CSK: variants seen among roughly 807,000 people sequenced by gnomAD.
CSK encodes the protein C-terminal Src kinase, also known as tyrosine-protein kinase CSK.
Under a neutral mutation model 62.3 loss-of-function variants are expected in CSK, and 7 were observed. That is an observed-to-expected ratio of 0.11 (90% confidence interval 0.06 to 0.21). The LOEUF is 0.21. Ranked by LOEUF, CSK falls within the 10% of genes least tolerant of loss-of-function variation. CSK has a pLI of 1.00. For missense variants in CSK, 294 were observed against 613.5 expected (o/e 0.48, Z 5.50); for synonymous variants, 237 against 246.0 (o/e 0.96, Z 0.34).
At chr15:74,799,531 C>T in intron 5 of CSK, 40 bp downstream of exon 5, 6 of 1,574,534 alleles carry the variant, frequency 3.8e-6, no homozygotes, top group Non-Finnish European at 5.2e-6. Flanking sequence ...CACCCTCACA[C>T]ACCCTAAACC....
At position 74,799,368 on chromosome 15, in the gene CSK, C is replaced by T. The variant is rs1021581178; in HGVS notation, c.339C>T (p.Pro113=). Reference sequence around the variant, plus strand: ...TGGTGCGGGAGAGCACCAACTACCCCGGAGACTACACGCTGTGCGTGAGCT... The same window carrying T: ...TGGTGCGGGAGAGCACCAACTACCCTGGAGACTACACGCTGTGCGTGAGCT... ...LFLVRESTNY[P]GDYTLCVSCD... is the part of the protein sequence containing the mutation. The change falls in exon 5 of 13, where the codon CCC becomes CCT. Residue 113 remains proline, a synonymous_variant. Coordinates refer to ENST00000220003, the MANE Select transcript of CSK (RefSeq NM_004383.3). 16 of 1,613,380 alleles carry T rather than the reference C, an allele frequency of 9.9e-6. No homozygotes were observed. The Middle Eastern group carries it at 6.7e-4, about 68-fold the overall frequency.
chr15:74,795,834 TG>T, intron 1 of CSK, among the ~76,000 whole-genome samples: 1 of 152,334 alleles, frequency 6.6e-6, no homozygotes, highest in Non-Finnish European at 1.5e-5. Context: ...CAGAAAGCCT[TG>T]TAGATAAAGT....
At chr15:74,784,459 C>G (rs1406618768) in intron 1 of CSK, among the ~76,000 whole-genome samples, 1 of 152,036 alleles carries the variant, frequency 6.6e-6, no homozygotes, top group Non-Finnish European at 1.5e-5. Flanking sequence ...TCCAGGGTCC[C>G]AGGGCCTTTG....
At position 74,802,655 on chromosome 15, in the gene CSK, C is replaced by T. The variant is rs2063811519; in HGVS notation, c.*142C>T. On this transcript the variant is annotated 3_prime_UTR_variant, in exon 13 of 13. Coordinates refer to ENST00000220003, the MANE Select transcript of CSK (RefSeq NM_004383.3). The stretch of plus-strand genomic sequence containing the variant: ...TTTTTCCTGCGTCCCAGCCTGCACC[C>T]CTCCGGCCCCGTCTCTCTTGGACCC... The T allele has an allele frequency of 1.9e-6, 2 of 1,031,122 alleles. No individual in the cohort carries two copies. Among genetic ancestry groups the T allele is most frequent in the South Asian group, 3.3e-5 (2 of 61,030 alleles). 63.9% of individuals were successfully genotyped at this position (1,031,122 alleles called of 1,614,324 possible). A position where few individuals can be genotyped will look rare whatever the true frequency, so the allele number is the denominator to read the frequency against.
chr15:74,802,158 C>T (rs2063802620), intron 12 of CSK, 75 bp downstream of exon 12: 3 of 1,489,668 alleles, frequency 2.0e-6, no homozygotes, highest in Non-Finnish European at 1.8e-6. Context: ...CCTCCTTGGG[C>T]CCTGCCTCCC....
chr15:74,790,997 A>G (rs1165691433), intron 1 of CSK: 10 of 152,236 alleles, frequency 6.6e-5, no homozygotes, highest in Admixed American at 6.5e-4. Context: ...AAGGTAATAG[A>G]TGCATGTGGC....
rs756239294 is a variant in CSK, at chr15:74,798,442, G to A, written c.15+130G>A. ...TTTCCCAGCACTCAGTCAGGTACAG[G>A]CCTGGGGAAGTGGGGGAGTCTCAAC... is the stretch of plus-strand genomic sequence containing the variant. On this transcript the variant is annotated intron_variant, in intron 2 of 12. Coordinates refer to ENST00000220003, the MANE Select transcript of CSK (RefSeq NM_004383.3). This position sits in a 1 kb window ranked among gnomAD's most constrained non-coding sequence, Gnocchi z 6.6. The A allele has an allele frequency of 1.5e-6, 2 of 1,341,176 alleles. No individual in the cohort carries two copies. Among genetic ancestry groups the A allele is most frequent in the East Asian group, 5.0e-5 (2 of 40,078 alleles). 83.1% of individuals were successfully genotyped at this position (1,341,176 alleles called of 1,614,324 possible). A position where few individuals can be genotyped will look rare whatever the true frequency, so the allele number is the denominator to read the frequency against.
At chr15:74,800,634 G>A (rs1345276882) in intron 6 of CSK, 47 bp from the exon 7 acceptor site, 5 of 1,537,756 alleles carry the variant, frequency 3.3e-6, no homozygotes, top group East Asian at 2.5e-5. Flanking sequence ...TGTCATCCCA[G>A]CCATGTCCCT....
At position 74,801,514 on chromosome 15, in the gene CSK, G is replaced by A; in HGVS notation, c.814-8G>A. ...GACCTCGGCCTGGTCTGTCCTTCCTGCCCCCAGGGGAGCCTTGTGGACTAC... is the reference window on the plus strand; with the variant it reads ...GACCTCGGCCTGGTCTGTCCTTCCTACCCCCAGGGGAGCCTTGTGGACTAC... On this transcript the variant is annotated splice_polypyrimidine_tract_variant and splice_region_variant and intron_variant, in intron 9 of 12. Transcript: ENST00000220003. 1 of 1,610,672 alleles carries A rather than the reference G, an allele frequency of 6.2e-7. No individual in the cohort carries two copies. The highest frequency in any genetic ancestry group is 8.5e-7 in the Non-Finnish European group (1 of 1,177,884).
In CSK at chr15:74,799,291, A is replaced by T; in HGVS notation, c.262A>T (p.Thr88Ser). 6.2e-7 allele frequency: 1 copy of T among 1,610,382 alleles called. No homozygotes were observed. Among genetic ancestry groups the T allele is most frequent in the Non-Finnish European group, 8.5e-7 (1 of 1,179,160 alleles). The change falls in exon 5 of 13, where the codon ACA (threonine) becomes TCA (serine). Residue 88 changes from threonine to serine, a missense_variant. By Grantham distance (58) the Thr-to-Ser change is moderately conservative. Around this residue, in one of 3 missense-constraint regions of CSK, gnomAD observed 202 missense variants for 415.7 expected, o/e 0.49. Coordinates refer to ENST00000220003, the MANE Select transcript of CSK (RefSeq NM_004383.3). ...SLMPWFHGKI[T>S]REQAERLLYP... The stretch of plus-strand genomic sequence containing the variant: ...CCCCAGTTGGTTCCACGGCAAGATC[A>T]CACGGGAGCAGGCTGAGCGGCTTCT...
intron 1 of CSK, among the ~76,000 whole-genome samples, chr15:74,794,698 A>G (rs1007093137): frequency 2.6e-5 from 4 of 152,124 alleles, no homozygotes; most frequent in Non-Finnish European, 4.4e-5. Flanking sequence ...CAAGACTTAG[A>G]AGGGTTGAGT....
intron 11 of CSK, 35 bp from the exon 12 acceptor site, chr15:74,801,962 A>G (rs1387190451): frequency 1.2e-6 from 2 of 1,612,016 alleles, no homozygotes; most frequent in African/African-American, 1.3e-5. Flanking sequence ...CTGGAGTCCC[A>G]GGATCTGACG....
intron 1 of CSK, among the ~76,000 whole-genome samples, chr15:74,794,846 GC>G (rs1431319192): frequency 6.6e-6 from 1 of 152,022 alleles, no homozygotes; most frequent in East Asian, 1.9e-4. Context: ...ATGATCACAT[GC>G]CCCCCTGCTG....
At chr15:74,787,584 T>C (rs1000991115) in intron 1 of CSK, among the ~76,000 whole-genome samples, 3 of 151,984 alleles carry the variant, frequency 2.0e-5, no homozygotes, top group Non-Finnish European at 4.4e-5. Flanking sequence ...CTGCTCAGTT[T>C]CTCTTCCTGG....
chr15:74,798,704 G>C lies in CSK; in HGVS notation c.105G>C (p.Val35=). The change falls in exon 3 of 13, where the codon GTG becomes GTC. Residue 35 remains valine, a synonymous_variant. Coordinates refer to ENST00000220003, the MANE Select transcript of CSK (RefSeq NM_004383.3). The surrounding 1 kb of genome is among the most constrained non-coding windows in gnomAD (Gnocchi z 6.6). The part of the protein sequence containing the change: ...EQDLPFCKGD[V]LTIVAVTKDP... The stretch of plus-strand genomic sequence containing the variant: ...ACCTGCCCTTCTGCAAAGGAGACGT[G>C]CTCACCATTGTGGCCGTCACCAAGG... 1 of 1,613,734 alleles carries C rather than the reference G, an allele frequency of 6.2e-7. No individual in the cohort carries two copies. Among genetic ancestry groups the C allele is most frequent in the Admixed American group, 1.7e-5 (1 of 60,010 alleles).
intron 1 of CSK, among the ~76,000 whole-genome samples, chr15:74,784,594 A>G (rs763785997): frequency 1.3e-5 from 2 of 152,122 alleles, no homozygotes; most frequent in Non-Finnish European, 2.9e-5. Flanking sequence ...GGGCAAGGAA[A>G]AAGCAGAAAA....
chr15:74,793,050 C>T (rs2063648118), intron 1 of CSK: 1 of 152,214 alleles, frequency 6.6e-6, no homozygotes, highest in Admixed American at 6.5e-5. Context: ...ATTCAGGGGT[C>T]TCATGACCCC....
intron 1 of CSK, among the ~76,000 whole-genome samples, chr15:74,783,910 C>T (rs1269618052): frequency 6.6e-6 from 1 of 152,230 alleles, no homozygotes; most frequent in Admixed American, 6.5e-5. Context: ...ACATGGGAAC[C>T]GTGGAAGCTC....
chr15:74,801,692 C>T lies in CSK; in HGVS notation c.888-3C>T. 6.2e-7 allele frequency: 1 copy of T among 1,611,944 alleles called. No individual in the cohort carries two copies. Among genetic ancestry groups the T allele is most frequent in the African/African-American group, 1.3e-5 (1 of 75,016 alleles). Reference sequence around the variant, plus strand: ...AGGGGACATGTGGCTGGCCTACCCCCAGAGATGTCTGCGAGGCCATGGAAT... The same window carrying T: ...AGGGGACATGTGGCTGGCCTACCCCTAGAGATGTCTGCGAGGCCATGGAAT... On this transcript the variant is annotated splice_polypyrimidine_tract_variant and splice_region_variant and intron_variant, in intron 10 of 12. Coordinates refer to ENST00000220003, the MANE Select transcript of CSK (RefSeq NM_004383.3).
Sources: gnomAD v4.1 joint callset for allele counts (sites outside exome capture counted in the v4.1 genomes callset) on GRCh38, gnomAD v4.1.1 for gene constraint, gnomAD v4.1.1 regional missense constraint, Gnocchi (gnomAD v3.1) non-coding constraint, MANE v1.5 for transcripts, NCBI Gene and HGNC (gene_info 2026-07-23, HGNC 2026-07-21) for gene names.